The following LMBRD1 variants were observed in gnomAD, a reference collection of about 807,000 sequenced individuals.
LMBRD1 encodes the protein LMBR1 domain containing 1.
A neutral mutation model predicts 74.8 loss-of-function variants in LMBRD1; 64 were observed. The ratio of observed to expected loss-of-function variants is 0.86; its 90% CI spans 0.70 to 1.05. The LOEUF is 1.05. LMBRD1 is among the 50% of genes least tolerant of loss of function. LMBRD1 has a pLI of 0.00. For synonymous variants in LMBRD1, 204 were observed against 216.3 expected (o/e 0.94, Z 0.50); for missense variants, 652 against 645.9 (o/e 1.01, Z -0.10).
intron 4 of LMBRD1, among the ~76,000 whole-genome samples, chr6:69,750,949 T>C (rs1228256354): frequency 1.3e-5 from 2 of 152,302 alleles, no homozygotes; most frequent in African/African-American, 2.4e-5. Context: ...TTTGACTTAA[T>C]ACATTTATTT....
At position 69,697,611 on chromosome 6, in the gene LMBRD1, T is replaced by C; in HGVS notation, c.1369A>G (p.Asn457Asp). ...CTCTTTGGCACAGAAAGGGTTGAAT[T>C]GCCTTTATGATTATCAGAAGTTATA... The part of the protein sequence containing the change: ...TNITSDNHKG[N>D]STLSVPKRCD... The change falls in exon 14 of 16, where the codon AAT (asparagine) becomes GAT (aspartate). Residue 457 changes from asparagine to aspartate, a missense_variant. By Grantham distance (23) the Asn-to-Asp change is conservative (BLOSUM62 1). Transcript: ENST00000649934. 6.2e-7 allele frequency: 1 copy of C among 1,603,452 alleles called. No homozygotes were observed. The highest frequency in any genetic ancestry group is 8.5e-7 in the Non-Finnish European group (1 of 1,171,160).
chr6:69,739,898 G>A (rs964993000), intron 6 of LMBRD1, among the ~76,000 whole-genome samples: 2 of 152,186 alleles, frequency 1.3e-5, no homozygotes, highest in African/African-American at 4.8e-5. Flanking sequence ...ACAAGGTCAG[G>A]AGTTCGAGAC....
intron 14 of LMBRD1, 152 bp from the exon 15 acceptor site, chr6:69,676,693 CA>C: frequency 1.4e-6 from 1 of 699,272 alleles, no homozygotes; most frequent in Non-Finnish European, 2.5e-6. Flanking sequence ...GGTCTCTCTC[CA>C]AAGCCCACTC....
At chr6:69,772,774 A>T (rs1024608137) in intron 3 of LMBRD1, among the ~76,000 whole-genome samples, 12 of 152,194 alleles carry the variant, frequency 7.9e-5, no homozygotes, top group African/African-American at 2.9e-4. Context: ...AAAGCACTGA[A>T]ATATATTATT....
At chr6:69,734,685 T>C (rs1052499426) in intron 7 of LMBRD1, among the ~76,000 whole-genome samples, 1 of 152,148 alleles carries the variant, frequency 6.6e-6, no homozygotes, top group Non-Finnish European at 1.5e-5. Context: ...CGTGAGCCAT[T>C]GTGCCTGGCA....
intron 14 of LMBRD1, among the ~76,000 whole-genome samples, chr6:69,691,937 T>C (rs1487995332): frequency 6.6e-6 from 1 of 150,948 alleles, no homozygotes; most frequent in Non-Finnish European, 1.5e-5. Flanking sequence ...ATAGAGACTG[T>C]ATTTTGAATC....
rs187743018 is a variant in LMBRD1, at chr6:69,753,403, T to C, written c.308-1047A>G. On this transcript the variant is annotated intron_variant, in intron 3 of 15. Transcript: ENST00000649934. ...GCAGCTGTTACCATCTCAGACCCAT[T>C]AGGATGGCTACTAACAAAAAACAAT... 8.5e-5 allele frequency among the ~76,000 whole-genome samples: 13 copies of C among 152,270 alleles called. No individual in the cohort carries two copies. In the East Asian group the frequency reaches 2.3e-3, roughly 27 times the overall value.
chr6:69,696,122 G>A (rs1765991801), intron 14 of LMBRD1, among the ~76,000 whole-genome samples: 1 of 152,164 alleles, frequency 6.6e-6, no homozygotes, highest in Non-Finnish European at 1.5e-5. Context: ...TTTTATCTCA[G>A]CTGGTAACAC....
At chr6:69,748,538 A>G (rs1180160257) in intron 5 of LMBRD1, among the ~76,000 whole-genome samples, 1 of 152,020 alleles carries the variant, frequency 6.6e-6, no homozygotes, top group Non-Finnish European at 1.5e-5. Context: ...TATTCCCATT[A>G]CTCAACAATT....
At position 69,674,222 on chromosome 6, in the gene LMBRD1, G is replaced by T. The variant is rs1312272679; in HGVS notation, c.*1936C>A. On this transcript the variant is annotated 3_prime_UTR_variant, in exon 16 of 16. Coordinates refer to ENST00000649934, the MANE Select transcript of LMBRD1 (RefSeq NM_018368.4). ...AAGAACACCAGTCATATTGGATTTG[G>T]GCTTCACGCAATAGCCTCATTTTAC... is the stretch of plus-strand genomic sequence containing the variant. 1.3e-5 allele frequency among the ~76,000 whole-genome samples: 2 copies of T among 152,038 alleles called. No homozygotes were observed. The highest frequency in any genetic ancestry group is 2.9e-5 in the Non-Finnish European group (2 of 68,002).
At chr6:69,703,438 T>C (rs1766177272) in intron 9 of LMBRD1, among the ~76,000 whole-genome samples, 1 of 149,700 alleles carries the variant, frequency 6.7e-6, no homozygotes, top group Admixed American at 6.6e-5. Context: ...ATTCCCTCTC[T>C]TTGGTATCCA....
At chr6:69,780,180 T>C (rs2445974) in intron 3 of LMBRD1, among the ~76,000 whole-genome samples, 100,840 of 148,190 alleles carry the variant, frequency 0.68, 35,514 homozygotes, top group African/African-American at 0.87. Flanking sequence ...AAACCAATCC[T>C]GAGCCCTATG....
In LMBRD1 at chr6:69,700,858, A is replaced by C. The variant is rs765715433; in HGVS notation, c.1095T>G (p.Leu365=). Residue 365 remains leucine, a synonymous_variant, in exon 12 of 16, where the codon CTT becomes CTG. Coordinates refer to ENST00000649934, the MANE Select transcript of LMBRD1 (RefSeq NM_018368.4). ...LLPLLQTVFP[L]DYILITIIIM... is the part of the protein sequence containing the mutation. Reference sequence around the variant, plus strand: ...TAATAATTGTTATAAGAATATAATCAAGAGGGAAAACCTGAAAAAAAAAGA... The same window carrying C: ...TAATAATTGTTATAAGAATATAATCCAGAGGGAAAACCTGAAAAAAAAAGA... 7.0e-6 allele frequency: 10 copies of C among 1,422,828 alleles called. No homozygotes were observed. The African/African-American group carries it at 1.2e-4, about 17-fold the overall frequency. 88.1% of individuals were successfully genotyped at this position (1,422,828 alleles called of 1,614,324 possible). A position where few individuals can be genotyped will look rare whatever the true frequency, so the allele number is the denominator to read the frequency against.
intron 7 of LMBRD1, among the ~76,000 whole-genome samples, chr6:69,730,817 G>A (rs1382942410): frequency 6.6e-6 from 1 of 152,082 alleles, no homozygotes; most frequent in Non-Finnish European, 1.5e-5. Context: ...ACAGTCAAGT[G>A]CTTCATAAGC....
At chr6:69,733,644 T>A (rs1436776459) in intron 7 of LMBRD1, among the ~76,000 whole-genome samples, 3 of 152,034 alleles carry the variant, frequency 2.0e-5, no homozygotes, top group Non-Finnish European at 4.4e-5. Flanking sequence ...ACACCACAGG[T>A]ATTAAAACTG....
chr6:69,781,080 G>A (rs1247816037), intron 2 of LMBRD1, among the ~76,000 whole-genome samples: 3 of 152,168 alleles, frequency 2.0e-5, no homozygotes, highest in African/African-American at 7.2e-5. Context: ...ATTTTATGCA[G>A]AGAGCAACAA....
chr6:69,694,778 G>A (rs1319702882), intron 14 of LMBRD1, among the ~76,000 whole-genome samples: 2 of 152,082 alleles, frequency 1.3e-5, no homozygotes, highest in South Asian at 4.1e-4. Context: ...TATACAAGTT[G>A]TGTAGACTTG....
intron 7 of LMBRD1, among the ~76,000 whole-genome samples, chr6:69,726,101 G>T (rs1766728727): frequency 6.6e-6 from 1 of 152,102 alleles, no homozygotes; most frequent in Non-Finnish European, 1.5e-5. Context: ...TCTTAAAATA[G>T]ACATACAAAT....
At chr6:69,769,435 C>G (rs1317837687) in intron 3 of LMBRD1, among the ~76,000 whole-genome samples, 1 of 152,140 alleles carries the variant, frequency 6.6e-6, no homozygotes, top group Non-Finnish European at 1.5e-5. Flanking sequence ...CTGCTTTAAA[C>G]TGATTTACAA....
Sources: gnomAD v4.1 joint callset for allele counts (sites outside exome capture counted in the v4.1 genomes callset) on GRCh38, gnomAD v4.1.1 for gene constraint, MANE v1.5 for transcripts, NCBI Gene and HGNC (gene_info 2026-07-23, HGNC 2026-07-21) for gene names.